Variants in SGSM2 observed in about 807,000 individuals in gnomAD.
SGSM2 encodes the protein small G protein signaling modulator 2.
A neutral mutation model predicts 126.6 loss-of-function variants in SGSM2; 89 were observed. The observed-to-expected ratio is 0.70, with a 90% CI of 0.59 to 0.84. The LOEUF is 0.84. Ranked by LOEUF, SGSM2 falls within the 40% of genes least tolerant of loss-of-function variation. The pLI is 0.00. For synonymous variants in SGSM2, 614 were observed against 574.3 expected (o/e 1.07, Z -0.99); for missense variants, 1,404 against 1,416.6 (o/e 0.99, Z 0.14).
rs1251068511 is a variant in SGSM2 at position 2,380,686 on chromosome 17, T to G, written c.*1166T>G. On this transcript the variant is annotated 3_prime_UTR_variant, in exon 24 of 24. Coordinates refer to ENST00000268989, the MANE Select transcript of SGSM2 (RefSeq NM_014853.3). ...CCACTTCCTCCTCTACCCCAACACA[T>G]GCAGGCTAGGCCTTGCCCTGGAACA... 2.2e-5 allele frequency: 7 copies of G among 317,236 alleles called. No individual in the cohort carries two copies. The highest frequency in any genetic ancestry group is 2.1e-4 in the South Asian group (7 of 33,446). 19.7% of individuals were successfully genotyped at this position (317,236 alleles called of 1,614,324 possible). A position where few individuals can be genotyped will look rare whatever the true frequency, so the allele number is the denominator to read the frequency against.
intron 2 of SGSM2, among the ~76,000 whole-genome samples, chr17:2,356,272 G>A (rs1460056777): frequency 6.4e-5 from 1 of 15,504 alleles, no homozygotes; most frequent in Non-Finnish European, 1.2e-4. Flanking sequence ...GAATCGGGGT[G>A]TAAGGGTTGG....
intron 2 of SGSM2, among the ~76,000 whole-genome samples, chr17:2,357,861 G>A (rs928881469): frequency 1.4e-4 from 21 of 152,198 alleles, no homozygotes; most frequent in Admixed American, 1.4e-3. Context: ...ATGCCAACCA[G>A]TGTTGGTTTT....
chr17:2,376,889 G>A (rs1265897267), intron 20 of SGSM2, 70 bp from the exon 21 acceptor site: 5 of 1,602,906 alleles, frequency 3.1e-6, no homozygotes, highest in South Asian at 1.1e-5. Flanking sequence ...GGTCTGGAGG[G>A]GTGGGAATGG....
At position 2,364,964 on chromosome 17, in the gene SGSM2, G is replaced by T; in HGVS notation, c.1068G>T (p.Gln356His). ...AGAGGCCGCCGCTGCATTTCCCACAGGGAGGACACCTGCTGTCCTTTCTGT... is the reference window on the plus strand; with the variant it reads ...AGAGGCCGCCGCTGCATTTCCCACATGGAGGACACCTGCTGTCCTTTCTGT... ...GIQRPPLHFPQGGHLLSFLSC... is the reference protein window; with the variant it reads ...GIQRPPLHFPHGGHLLSFLSC... Residue 356 changes from glutamine (Q) to histidine (H), a missense_variant, in exon 10 of 24, where the codon CAG becomes CAT. Physicochemically the swap from Gln to His is conservative, Grantham distance 24. Coordinates refer to ENST00000268989, the MANE Select transcript of SGSM2 (RefSeq NM_014853.3). The T allele has an allele frequency of 6.2e-7, 1 of 1,613,538 alleles. No individual in the cohort carries two copies.
rs370157723 is a variant in SGSM2, at chr17:2,376,828, G to T, written c.2692+13G>T. ...ACCCTCGACAATGGTGAGGGATGGCGGGACATGGGACTGGGCTGCGTAAGC... is the reference window on the plus strand; with the variant it reads ...ACCCTCGACAATGGTGAGGGATGGCTGGACATGGGACTGGGCTGCGTAAGC... On this transcript the variant is annotated intron_variant, in intron 20 of 23. Transcript: ENST00000268989. The T allele has an allele frequency of 5.0e-6, 8 of 1,613,896 alleles. No individual in the cohort carries two copies. The highest frequency in any genetic ancestry group is 6.8e-6 in the Non-Finnish European group (8 of 1,179,954).
At chr17:2,354,730 A>G (rs1170065017) in intron 2 of SGSM2, among the ~76,000 whole-genome samples, 1 of 152,254 alleles carries the variant, frequency 6.6e-6, no homozygotes, top group Non-Finnish European at 1.5e-5. Context: ...CCTACCAGCA[A>G]TATATGAATG....
At chr17:2,340,853 G>A (rs902630907) in intron 1 of SGSM2, among the ~76,000 whole-genome samples, 2 of 152,186 alleles carry the variant, frequency 1.3e-5, no homozygotes. Flanking sequence ...CAAAGTGCTG[G>A]GATTATAGTC....
At chr17:2,343,960 G>C (rs1169669934) in intron 2 of SGSM2, among the ~76,000 whole-genome samples, 2 of 152,192 alleles carry the variant, frequency 1.3e-5, no homozygotes, top group African/African-American at 4.8e-5. Context: ...CACTTTGAGA[G>C]CCGCTGCCCT....
At position 2,379,756 on chromosome 17, in the gene SGSM2, T is replaced by C; in HGVS notation, c.*236T>C. On this transcript the variant is annotated 3_prime_UTR_variant, in exon 24 of 24. Coordinates refer to ENST00000268989, the MANE Select transcript of SGSM2 (RefSeq NM_014853.3). ...GGGTCAGCCTCAGGGAGCAGCTGCCTTGGGGGACACACCTACTCTGCTCCC... is the reference window on the plus strand; with the variant it reads ...GGGTCAGCCTCAGGGAGCAGCTGCCCTGGGGGACACACCTACTCTGCTCCC... 2.9e-6 allele frequency: 4 copies of C among 1,395,298 alleles called. No homozygotes were observed. The highest frequency in any genetic ancestry group is 3.7e-6 in the Non-Finnish European group (4 of 1,073,170). The allele number at this position is 1,395,298 out of a possible 1,614,324, so 86.4% of individuals were successfully genotyped here.
chr17:2,337,801 G>A lies in SGSM2; in HGVS notation c.57+56G>A. The A allele has an allele frequency of 7.3e-7, 1 of 1,375,432 alleles. No homozygotes were observed. The highest frequency in any genetic ancestry group is 9.7e-7 in the Non-Finnish European group (1 of 1,030,766). 85.2% of individuals were successfully genotyped at this position (1,375,432 alleles called of 1,614,324 possible). On this transcript the variant is annotated intron_variant, in intron 1 of 23. Coordinates refer to ENST00000268989, the MANE Select transcript of SGSM2 (RefSeq NM_014853.3). This position sits in a 1 kb window ranked among gnomAD's most constrained non-coding sequence, Gnocchi z 5.1. ...CGCGCCCTGGCCCGCGCGGCCCAGG[G>A]GGCAGAAAGGTCCGCGCCCACCCCC... is the stretch of plus-strand genomic sequence containing the variant.
At chr17:2,364,028 ATCG>A (rs1567825740) in intron 7 of SGSM2, 28 bp from the exon 8 acceptor site, 1 of 1,613,660 alleles carries the variant, frequency 6.2e-7, no homozygotes, top group South Asian at 1.1e-5. Flanking sequence ...TCAGCCCTTC[ATCG>A]TCGGTCTTCC....
At position 2,380,937 on chromosome 17, in the gene SGSM2, GC is replaced by G. The variant is rs2066382015; in HGVS notation, c.*1419del. The G allele has an allele frequency of 6.4e-6, 1 of 155,792 alleles. No homozygotes were observed. Among genetic ancestry groups the G allele is most frequent in the Non-Finnish European group, 1.4e-5 (1 of 70,578 alleles). The allele number at this position is 155,792 out of a possible 1,614,324, so 9.7% of individuals were successfully genotyped here. A position where few individuals can be genotyped will look rare whatever the true frequency, so the allele number is the denominator to read the frequency against. On this transcript the variant is annotated 3_prime_UTR_variant, in exon 24 of 24. Transcript: ENST00000268989. ...CCTTGGCCTCCACCAAGCACGTGTG[GC>G]CATTGTGTGCCTGCCTTAGTGACTC...
chr17:2,375,130 A>G, intron 17 of SGSM2: 1 of 200,190 alleles, frequency 5.0e-6, no homozygotes, highest in Non-Finnish European at 1.0e-5. Flanking sequence ...CAAAACACTA[A>G]GGCCATTCTC....
intron 1 of SGSM2, among the ~76,000 whole-genome samples, chr17:2,338,426 C>G (rs1226908438): frequency 6.6e-6 from 1 of 152,124 alleles, no homozygotes; most frequent in Admixed American, 6.5e-5. Flanking sequence ...TGCCCAAAAG[C>G]CCATTTCCAT....
In SGSM2 at chr17:2,367,198, CT is replaced by C; in HGVS notation, c.1289-71del. ...TGACCCCGGCCTCCATTCCACTCCCCTTAAGGAGGGAGTCCGTCCTGCCCAG... is the reference window on the plus strand; with the variant it reads ...TGACCCCGGCCTCCATTCCACTCCCCTAAGGAGGGAGTCCGTCCTGCCCAG... On this transcript the variant is annotated intron_variant, in intron 11 of 23. Coordinates refer to ENST00000268989, the MANE Select transcript of SGSM2 (RefSeq NM_014853.3). This position sits in a 1 kb window ranked among gnomAD's most constrained non-coding sequence, Gnocchi z 4.0. 1 of 1,507,270 alleles carries C rather than the reference CT, an allele frequency of 6.6e-7. No individual in the cohort carries two copies. Among genetic ancestry groups the C allele is most frequent in the African/African-American group, 1.4e-5 (1 of 73,130 alleles). The allele number at this position is 1,507,270 out of a possible 1,614,324, so 93.4% of individuals were successfully genotyped here. A position where few individuals can be genotyped will look rare whatever the true frequency, so the allele number is the denominator to read the frequency against.
Position 2,337,610 on chromosome 17 carries a change from GGGCGCTGAGCCGAGA to G in SGSM2, c.-73_-59del, listed in dbSNP as rs2064134112. 1 of 1,048,340 alleles carries G rather than the reference GGGCGCTGAGCCGAGA, an allele frequency of 9.5e-7. No homozygotes were observed. The highest frequency in any genetic ancestry group is 1.2e-6 in the Non-Finnish European group (1 of 824,146). The allele number at this position is 1,048,340 out of a possible 1,614,324, so 64.9% of individuals were successfully genotyped here. A position where few individuals can be genotyped will look rare whatever the true frequency, so the allele number is the denominator to read the frequency against. On this transcript the variant is annotated 5_prime_UTR_variant, in exon 1 of 24. The change abolishes the stop of an existing upstream ORF in the 5' untranslated region. Transcript: ENST00000268989. The surrounding 1 kb of genome is among the most constrained non-coding windows in gnomAD (Gnocchi z 5.1). ...GGGCGGGGGCTCCGCCTTGCGCGTG[GGGCGCTGAGCCGAGA>G]GGCGCGGAGGCGGCGAGGGCGCGGG...
chr17:2,365,480 TCA>T, intron 11 of SGSM2, 139 bp downstream of exon 11: 1 of 1,031,782 alleles, frequency 9.7e-7, no homozygotes, highest in Non-Finnish European at 1.4e-6. Flanking sequence ...GCCTAGCCTC[TCA>T]GCTGGACCTT....
chr17:2,377,832 C>T, intron 21 of SGSM2, 25 bp from the exon 22 acceptor site: 2 of 1,509,664 alleles, frequency 1.3e-6, no homozygotes, highest in Non-Finnish European at 9.2e-7. Context: ...GGCTCAGCCT[C>T]TCTCCCTTTT....
Position 2,350,715 on chromosome 17 carries a change from A to C in SGSM2, c.133+7095A>C, listed in dbSNP as rs533284883. On this transcript the variant is annotated intron_variant, in intron 2 of 23. Transcript: ENST00000268989. ...GGTGACCTCAGAGACAAGTCCAACT[A>C]GACCATCCCTAGGAACGAGAGGAAG... Among the ~76,000 whole-genome samples, 135 of 152,322 alleles carry C rather than the reference A, an allele frequency of 8.9e-4. 3 individuals carry two copies. Among genetic ancestry groups the C allele is most frequent in the African/African-American group, 3.1e-3 (127 of 41,576 alleles).
Sources: allele counts gnomAD v4.1 joint callset (sites outside exome capture counted in the v4.1 genomes callset), GRCh38; gene constraint gnomAD v4.1.1; non-coding constraint Gnocchi (gnomAD v3.1); transcripts MANE v1.5; gene names NCBI Gene and HGNC (gene_info 2026-07-23, HGNC 2026-07-21).